PEBP4: variants seen among roughly 807,000 people sequenced by gnomAD.
PEBP4 encodes the protein phosphatidylethanolamine binding protein 4, also known as phosphatidylethanolamine-binding protein 4.
Under a neutral mutation model 23.9 loss-of-function variants are expected in PEBP4, and 22 were observed. The observed-to-expected ratio is 0.92, with a 90% CI of 0.66 to 1.31. The LOEUF is 1.31. Among genes scored for constraint, PEBP4 ranks in the 40% most tolerant of loss-of-function variants. The pLI, the probability that PEBP4 is intolerant of heterozygous loss-of-function variation, is 0.00. For synonymous variants in PEBP4, 112 were observed against 99.3 expected (o/e 1.13, Z -0.76); for missense variants, 324 against 281.7 (o/e 1.15, Z -1.07).
chr8:22,732,715 G>C (rs1367012126), intron 4 of PEBP4, among the ~76,000 whole-genome samples: 1 of 151,928 alleles, frequency 6.6e-6, no homozygotes, highest in Non-Finnish European at 1.5e-5. Context: ...TGAGTGTAGG[G>C]TACTGGGTTT....
chr8:22,883,476 C>A (rs1397170384), intron 3 of PEBP4, among the ~76,000 whole-genome samples: 4 of 152,108 alleles, frequency 2.6e-5, no homozygotes, highest in Non-Finnish European at 5.9e-5. Flanking sequence ...CTCCCACCCC[C>A]ACATCCCTCT....
chr8:22,792,175 G>A (rs1345018484), intron 4 of PEBP4, among the ~76,000 whole-genome samples: 1 of 152,178 alleles, frequency 6.6e-6, no homozygotes, highest in South Asian at 2.1e-4. Context: ...TTTAGTACAA[G>A]GTTTCCAAAC....
intron 3 of PEBP4, among the ~76,000 whole-genome samples, chr8:22,894,445 A>G (rs984297651): frequency 3.9e-5 from 6 of 152,032 alleles, no homozygotes; most frequent in Non-Finnish European, 5.9e-5. Flanking sequence ...TTCCAAGCAT[A>G]GTGGCATGTG....
Position 22,751,706 on chromosome 8 carries a change from C to T in PEBP4, c.358-24486G>A, listed in dbSNP as rs116698580. Among the ~76,000 whole-genome samples the T allele has an allele frequency of 5.5e-3, 839 of 151,864 alleles. 10 individuals are homozygous for T. Among genetic ancestry groups the T allele is most frequent in the African/African-American group, 0.02 (810 of 41,364 alleles). ...ACAGAACATTTTGGGTTGCTCTTGA[C>T]TGAAACCACAAGAAGCATAAATCAC... is the stretch of plus-strand genomic sequence containing the variant. On this transcript the variant is annotated intron_variant, in intron 4 of 6. Transcript: ENST00000256404.
intron 3 of PEBP4, among the ~76,000 whole-genome samples, chr8:22,909,423 G>A (rs530222885): frequency 1.4e-4 from 22 of 152,222 alleles, no homozygotes; most frequent in African/African-American, 5.3e-4. Context: ...AAGAAATGAG[G>A]GTCCCTGATT....
intron 4 of PEBP4, among the ~76,000 whole-genome samples, chr8:22,780,787 G>C (rs1805897818): frequency 6.6e-6 from 1 of 152,194 alleles, no homozygotes; most frequent in Non-Finnish European, 1.5e-5. Flanking sequence ...CTCAGTCTTA[G>C]GTCTTCCCTT....
intron 4 of PEBP4, among the ~76,000 whole-genome samples, chr8:22,778,327 C>A (rs540496554): frequency 5.3e-5 from 8 of 152,178 alleles, no homozygotes; most frequent in African/African-American, 1.9e-4. Flanking sequence ...ATCCTGTTGC[C>A]CGGAAGATGC....
At chr8:22,858,893 G>A (rs1362150668) in intron 3 of PEBP4, among the ~76,000 whole-genome samples, 1 of 152,192 alleles carries the variant, frequency 6.6e-6, no homozygotes, top group Non-Finnish European at 1.5e-5. Context: ...GTTGCAGTGA[G>A]CCAAGATTGC....
At chr8:22,796,426 G>A (rs981083443) in intron 4 of PEBP4, among the ~76,000 whole-genome samples, 5 of 152,158 alleles carry the variant, frequency 3.3e-5, no homozygotes, top group Admixed American at 6.5e-5. Flanking sequence ...GTAAATCATC[G>A]TTAAGTTGAG....
intron 4 of PEBP4, chr8:22,757,950 G>A (rs1378622450): frequency 6.6e-6 from 1 of 152,246 alleles, no homozygotes; most frequent in Non-Finnish European, 1.5e-5. Context: ...GCAGCCGCAG[G>A]TGCGATGAAA....
intron 2 of PEBP4, among the ~76,000 whole-genome samples, chr8:22,925,993 TGA>T (rs1263702517): frequency 6.6e-6 from 1 of 152,216 alleles, no homozygotes; most frequent in Non-Finnish European, 1.5e-5. Context: ...GTTTGTTTTT[TGA>T]GACAGAGTCT....
At chr8:22,721,597 G>A (rs151216005) in intron 6 of PEBP4, among the ~76,000 whole-genome samples, 5 of 152,206 alleles carry the variant, frequency 3.3e-5, no homozygotes, top group South Asian at 4.1e-4. Context: ...TGCCATAGAC[G>A]CCCCTCTACC....
At chr8:22,873,502 A>G (rs1808053727) in intron 3 of PEBP4, among the ~76,000 whole-genome samples, 1 of 152,072 alleles carries the variant, frequency 6.6e-6, no homozygotes, top group Non-Finnish European at 1.5e-5. Flanking sequence ...TTAGTGGCAC[A>G]GGCTTGTAGT....
At chr8:22,719,239 C>T in intron 6 of PEBP4, among the ~76,000 whole-genome samples, 1 of 152,202 alleles carries the variant, frequency 6.6e-6, no homozygotes, top group East Asian at 1.9e-4. Flanking sequence ...GTGACCCAAG[C>T]CTCTCTTGCC....
intron 6 of PEBP4, among the ~76,000 whole-genome samples, chr8:22,723,778 C>G (rs1329729440): frequency 6.6e-6 from 1 of 152,344 alleles, no homozygotes; most frequent in East Asian, 1.9e-4. Context: ...AGCTCCACTC[C>G]CAGGGTGGCC....
chr8:22,872,005 CT>C (rs1471581112), intron 3 of PEBP4, among the ~76,000 whole-genome samples: 3 of 152,188 alleles, frequency 2.0e-5, no homozygotes, highest in Non-Finnish European at 4.4e-5. Flanking sequence ...TTAGCTCCCA[CT>C]TATAAGTGAA....
intron 3 of PEBP4, among the ~76,000 whole-genome samples, chr8:22,856,561 A>C (rs375551439): frequency 1.1e-4 from 17 of 152,232 alleles, no homozygotes; most frequent in African/African-American, 4.1e-4. Context: ...TACTAAAAAC[A>C]CAAAAAGTAG....
At chr8:22,833,930 C>T (rs2128764498) in intron 3 of PEBP4, among the ~76,000 whole-genome samples, 1 of 152,282 alleles carries the variant, frequency 6.6e-6, no homozygotes, top group South Asian at 2.1e-4. Flanking sequence ...AAGTCTAATT[C>T]CCCTGAAGTC....
chr8:22,822,350 C>T (rs1158516404), intron 3 of PEBP4, among the ~76,000 whole-genome samples: 1 of 91,800 alleles, frequency 1.1e-5, no homozygotes, highest in Non-Finnish European at 2.5e-5. Flanking sequence ...GGAATATATA[C>T]TAAAGTGTGT....
Sources: allele counts gnomAD v4.1 joint callset (sites outside exome capture counted in the v4.1 genomes callset), GRCh38; gene constraint gnomAD v4.1.1; transcripts MANE v1.5; gene names NCBI Gene and HGNC (gene_info 2026-07-23, HGNC 2026-07-21).